Variants in NLK observed in about 807,000 individuals in gnomAD.
The protein encoded by NLK is nemo like kinase, also known as serine/threonine-protein kinase NLK.
NLK carries 11 observed loss-of-function variants against 59.0 expected under a neutral mutation model. The ratio of observed to expected loss-of-function variants is 0.19; its 90% CI spans 0.12 to 0.31. The LOEUF (loss-of-function observed/expected upper bound fraction) is 0.31, where lower values mean the gene tolerates loss of function less well. Ranked by LOEUF, NLK falls within the 10% of genes least tolerant of loss-of-function variation. The pLI, the probability that NLK is intolerant of heterozygous loss-of-function variation, is 1.00. For missense variants in NLK, 410 were observed against 661.1 expected, an observed-to-expected ratio of 0.62 and a Z score of 4.16; for synonymous variants, 235 against 235.9, an observed-to-expected ratio of 1.00 and a Z score of 0.03.
intron 1 of NLK, among the ~76,000 whole-genome samples, chr17:28,083,076 A>G (rs1308855596): frequency 6.6e-6 from 1 of 152,210 alleles, no homozygotes; most frequent in Non-Finnish European, 1.5e-5. Context: ...TTATGATACC[A>G]TTCCTTCTGC....
intron 1 of NLK, among the ~76,000 whole-genome samples, chr17:28,090,468 T>A (rs1298669844): frequency 1.3e-5 from 2 of 152,226 alleles, no homozygotes; most frequent in African/African-American, 2.4e-5. Flanking sequence ...GTCATTTTAC[T>A]TCCTTTATGA....
intron 1 of NLK, chr17:28,047,815 T>A (rs550127155): frequency 2.5e-6 from 1 of 394,074 alleles, no homozygotes; most frequent in African/African-American, 2.1e-5. Context: ...TTTGGAAAAA[T>A]GCAGAATGCT....
intron 1 of NLK, among the ~76,000 whole-genome samples, chr17:28,046,143 T>G (rs1167355763): frequency 6.6e-6 from 1 of 152,224 alleles, no homozygotes; most frequent in Non-Finnish European, 1.5e-5. Flanking sequence ...TGTTTCTCCA[T>G]GTAGACAAGG....
intron 1 of NLK, among the ~76,000 whole-genome samples, chr17:28,116,574 G>A (rs901040177): frequency 6.6e-6 from 1 of 152,062 alleles, no homozygotes; most frequent in Non-Finnish European, 1.5e-5. Context: ...TATGCTCTAC[G>A]ACAATTCAGA....
downstream of NLK, among the ~76,000 whole-genome samples, chr17:28,200,300 G>A (rs867206778): frequency 6.6e-6 from 1 of 151,960 alleles, no homozygotes; most frequent in East Asian, 1.9e-4. Flanking sequence ...ATTTCTTTTA[G>A]ATATATGATC....
At chr17:28,123,804 A>T (rs1906175730) in intron 2 of NLK, among the ~76,000 whole-genome samples, 1 of 152,216 alleles carries the variant, frequency 6.6e-6, no homozygotes, top group Non-Finnish European at 1.5e-5. Context: ...AATTTGATAC[A>T]TGTAAAATTT....
intron 1 of NLK, among the ~76,000 whole-genome samples, chr17:28,092,890 G>C (rs2142780058): frequency 6.6e-6 from 1 of 151,918 alleles, no homozygotes. Context: ...CCGCCTCCCG[G>C]GTTCAAACAA....
At chr17:28,079,165 A>C (rs1001442001) in intron 1 of NLK, among the ~76,000 whole-genome samples, 14 of 152,216 alleles carry the variant, frequency 9.2e-5, no homozygotes, top group Non-Finnish European at 1.8e-4. Context: ...ACTTAGCATG[A>C]CATGCTCAAT....
intron 7 of NLK, among the ~76,000 whole-genome samples, chr17:28,177,289 A>G (rs367721109): frequency 5.9e-5 from 9 of 152,366 alleles, no homozygotes; most frequent in Non-Finnish European, 1.2e-4. Flanking sequence ...GTATACATAT[A>G]CAGAAGGAGA....
At chr17:28,154,881 A>C (rs1907636614) in intron 3 of NLK, among the ~76,000 whole-genome samples, 2 of 152,050 alleles carry the variant, frequency 1.3e-5, no homozygotes, top group Non-Finnish European at 2.9e-5. Context: ...ACAATACAAA[A>C]ATTAGTCGGG....
intron 1 of NLK, among the ~76,000 whole-genome samples, chr17:28,084,006 T>G (rs1284265086): frequency 6.6e-6 from 1 of 152,156 alleles, no homozygotes; most frequent in Non-Finnish European, 1.5e-5. Flanking sequence ...ATGAGCCATA[T>G]CATGATACAG....
chr17:28,191,215 T>C lies in NLK; in HGVS notation c.1431T>C (p.Val477=). The change falls in exon 9 of 11, where the codon GTT becomes GTC. Residue 477 remains valine (V), a synonymous_variant. Coordinates refer to ENST00000407008, the MANE Select transcript of NLK (RefSeq NM_016231.5). ...FEKNLSSVRQ[V]KEIIHQFILE... The stretch of plus-strand genomic sequence containing the variant: ...AGAACCTCAGTTCTGTCCGACAGGT[T>C]AAAGGTGAGTATCTGTTTTGGCCTT... 1 of 1,604,964 alleles carries C rather than the reference T, an allele frequency of 6.2e-7. No homozygotes were observed.
chr17:28,097,096 C>T (rs1904727851), intron 1 of NLK, among the ~76,000 whole-genome samples: 1 of 152,102 alleles, frequency 6.6e-6, no homozygotes, highest in South Asian at 2.1e-4. Context: ...TTGCTTGAGC[C>T]ATTTGCTTAT....
At chr17:28,181,987 G>A (rs1336608319) in intron 7 of NLK, among the ~76,000 whole-genome samples, 2 of 152,148 alleles carry the variant, frequency 1.3e-5, no homozygotes, top group Admixed American at 6.6e-5. Context: ...TCCAGCCTGG[G>A]GGACAGAGCA....
intron 1 of NLK, among the ~76,000 whole-genome samples, chr17:28,069,868 A>G (rs999469080): frequency 2.6e-5 from 4 of 152,158 alleles, no homozygotes; most frequent in Non-Finnish European, 5.9e-5. Flanking sequence ...TGATGAACAG[A>G]AAATTCTATT....
rs143045002 is a variant in NLK, at chr17:28,068,713, T to C, written c.458+25382T>C. On this transcript the variant is annotated intron_variant, in intron 1 of 10. Coordinates refer to ENST00000407008, the MANE Select transcript of NLK (RefSeq NM_016231.5). ...CTATTTTTTAGAGACAAGATCTCTTTCTGTTGCCCAAGCTAGAATGCAATG... is the reference window on the plus strand; with the variant it reads ...CTATTTTTTAGAGACAAGATCTCTTCCTGTTGCCCAAGCTAGAATGCAATG... Among the ~76,000 whole-genome samples, 123 of 152,370 alleles carry C rather than the reference T, an allele frequency of 8.1e-4. 1 individual carries two copies. The highest frequency in any genetic ancestry group is 2.8e-3 in the African/African-American group (116 of 41,590).
intron 1 of NLK, among the ~76,000 whole-genome samples, chr17:28,085,764 G>T (rs1182535206): frequency 6.6e-6 from 1 of 152,060 alleles, no homozygotes; most frequent in Non-Finnish European, 1.5e-5. Flanking sequence ...AAAAAGTAGA[G>T]CTGAAAGATT....
At chr17:28,159,708 G>T (rs1386386574) in intron 3 of NLK, among the ~76,000 whole-genome samples, 1 of 151,958 alleles carries the variant, frequency 6.6e-6, no homozygotes, top group Non-Finnish European at 1.5e-5. Context: ...AATGTAAAAG[G>T]CTTAAAAATT....
At chr17:28,154,136 C>G (rs1476359647) in intron 3 of NLK, among the ~76,000 whole-genome samples, 1 of 152,148 alleles carries the variant, frequency 6.6e-6, no homozygotes, top group Non-Finnish European at 1.5e-5. Context: ...AGGCAGAAAT[C>G]TAAGCTGGCA....
Sources: allele counts gnomAD v4.1 joint callset (sites outside exome capture counted in the v4.1 genomes callset), GRCh38; gene constraint gnomAD v4.1.1; transcripts MANE v1.5; gene names NCBI Gene and HGNC (gene_info 2026-07-23, HGNC 2026-07-21).